NSD2: variants seen among roughly 807,000 people sequenced by gnomAD.
The protein encoded by NSD2 is histone-lysine N-methyltransferase NSD2.
Under a neutral mutation model 139.0 loss-of-function variants are expected in NSD2, and 12 were observed. That is an observed-to-expected ratio of 0.09 (90% confidence interval 0.06 to 0.14). The LOEUF (loss-of-function observed/expected upper bound fraction) is 0.14. Among genes scored for constraint, NSD2 ranks in the 10% least tolerant of loss-of-function variants. NSD2 has a pLI of 1.00. For synonymous variants in NSD2, 669 were observed against 648.7 expected, an observed-to-expected ratio of 1.03 and a Z score of -0.48; for missense variants, 1,155 against 1,745.0, an observed-to-expected ratio of 0.66 and a Z score of 6.02.
At chr4:1,933,459 G>A (rs1466889747) in intron 6 of NSD2, among the ~76,000 whole-genome samples, 2 of 152,122 alleles carry the variant, frequency 1.3e-5, no homozygotes, top group African/African-American at 2.4e-5. Flanking sequence ...GCGCGATCTC[G>A]GCTCACTGCA....
At chr4:1,909,059 G>A (rs1161973722) in intron 3 of NSD2, among the ~76,000 whole-genome samples, 1 of 151,486 alleles carries the variant, frequency 6.6e-6, no homozygotes. Context: ...ATGAAAATGA[G>A]CTCCTCCCTA....
chr4:1,911,587 C>CAAAAAAAAAAAA (rs372660600), intron 3 of NSD2, among the ~76,000 whole-genome samples: 854 of 38,080 alleles, frequency 0.022, no homozygotes, highest in Middle Eastern at 0.037. Flanking sequence ...GACGCCATCT[C>CAAAAAAAAAAAA]AAAAAAAAAA....
intron 9 of NSD2, chr4:1,947,819 T>G (rs1350989343): frequency 9.5e-7 from 1 of 1,048,990 alleles, no homozygotes; most frequent in African/African-American, 1.7e-5. Context: ...AACGATGTCG[T>G]ATTCAAGTTG....
chr4:1,918,345 G>C lies in NSD2; in HGVS notation c.1132G>C (p.Gly378Arg). Reference sequence around the variant, plus strand: ...TTTGGGAGAAATGGCAGAATCCTCAGGAGTCAGTGAAGAAGCTGCTGAAAA... The same window carrying C: ...TTTGGGAGAAATGGCAGAATCCTCACGAGTCAGTGAAGAAGCTGCTGAAAA... ...ESLGEMAESS[G>R]VSEEAAENPK... The change falls in exon 5 of 22, where the codon GGA becomes CGA. Residue 378 changes from glycine to arginine, a missense_variant. Gly to Arg is a moderately radical substitution (Grantham distance 125, BLOSUM62 -2). This residue lies in a region of NSD2 where 420 missense variants were observed against 469.0 expected (regional missense o/e 0.90). Transcript: ENST00000508803. 1 of 1,614,058 alleles carries C rather than the reference G, an allele frequency of 6.2e-7. No homozygotes were observed. Among genetic ancestry groups the C allele is most frequent in the Non-Finnish European group, 8.5e-7 (1 of 1,180,020 alleles).
intron 1 of NSD2, among the ~76,000 whole-genome samples, chr4:1,893,536 GTTTTTTGTTTTTTTTTT>G (rs764157520): frequency 0.047 from 6,914 of 146,336 alleles, 233 homozygotes; most frequent in Non-Finnish European, 0.072. Flanking sequence ...CTCTTTTTTT[GTTTTTTGTTTTTTTTTT>G]TTTTTTGTTT....
chr4:1,901,510 G>T, intron 2 of NSD2, among the ~76,000 whole-genome samples: 1 of 152,330 alleles, frequency 6.6e-6, no homozygotes, highest in Non-Finnish European at 1.5e-5. Flanking sequence ...AGATTCAAAT[G>T]GCTAAAAAGA....
At chr4:1,917,287 A>T (rs1483783590) in intron 4 of NSD2, among the ~76,000 whole-genome samples, 1 of 152,166 alleles carries the variant, frequency 6.6e-6, no homozygotes, top group Non-Finnish European at 1.5e-5. Context: ...ATATATACAC[A>T]TATATGTACG....
intron 1 of NSD2, among the ~76,000 whole-genome samples, chr4:1,878,105 G>A (rs1714396539): frequency 6.6e-6 from 1 of 150,460 alleles, no homozygotes; most frequent in African/African-American, 2.4e-5. Flanking sequence ...CTGTCACCCA[G>A]GCTGGAGTGC....
chr4:1,924,757 AAAC>A (rs1259311244), intron 5 of NSD2, among the ~76,000 whole-genome samples: 1 of 151,754 alleles, frequency 6.6e-6, no homozygotes. Context: ...ACAAAAAAAA[AAAC>A]AAAACAAAAC....
At chr4:1,914,511 A>G (rs1218247264) in intron 3 of NSD2, among the ~76,000 whole-genome samples, 2 of 151,922 alleles carry the variant, frequency 1.3e-5, no homozygotes, top group African/African-American at 4.8e-5. Flanking sequence ...GTTTTAGTAG[A>G]GACAGGGCTT....
intron 7 of NSD2, among the ~76,000 whole-genome samples, chr4:1,936,688 A>T (rs1004747527): frequency 2.0e-4 from 30 of 151,784 alleles, no homozygotes; most frequent in African/African-American, 6.8e-4. Context: ...AAAAAAAAAA[A>T]AGTTCTGACA....
At chr4:1,977,853 C>T (rs181277570) in intron 21 of NSD2, among the ~76,000 whole-genome samples, 184 of 150,204 alleles carry the variant, frequency 1.2e-3, no homozygotes, top group African/African-American at 4.1e-3. Flanking sequence ...AGGCCAGGCA[C>T]GGTGGCTCAT....
At position 1,956,267 on chromosome 4, in the gene NSD2, G is replaced by A. The variant is rs751969424; in HGVS notation, c.2881+79G>A. The A allele has an allele frequency of 9.0e-5, 117 of 1,304,388 alleles. No homozygotes were observed. Among genetic ancestry groups the A allele is most frequent in the Non-Finnish European group, 1.2e-4 (112 of 965,608 alleles). The allele number at this position is 1,304,388 out of a possible 1,614,324, so 80.8% of individuals were successfully genotyped here. On this transcript the variant is annotated intron_variant, in intron 15 of 21. Transcript: ENST00000508803. The surrounding 1 kb of genome is among the most constrained non-coding windows in gnomAD (Gnocchi z 5.3). ...CCCTAATTTCTATTTTTTAAAATTT[G>A]ATCTTTATAGAAAATACTGGACTAA...
At chr4:1,947,486 G>A (rs1232687561) in intron 9 of NSD2, 2 of 1,058,008 alleles carry the variant, frequency 1.9e-6, no homozygotes, top group Non-Finnish European at 2.3e-6. Context: ...GGATAGCCAG[G>A]AAGTTTCTAG....
intron 1 of NSD2, among the ~76,000 whole-genome samples, chr4:1,890,669 T>C (rs905551328): frequency 3.3e-5 from 5 of 151,820 alleles, no homozygotes; most frequent in African/African-American, 1.2e-4. Context: ...TGGCATGATC[T>C]CGGCTCACTG....
intron 1 of NSD2, among the ~76,000 whole-genome samples, chr4:1,882,447 A>C (rs558555945): frequency 6.6e-6 from 1 of 152,198 alleles, no homozygotes; most frequent in South Asian, 2.1e-4. Flanking sequence ...GGTGGACACG[A>C]GGTCAGAAGA....
chr4:1,940,494 C>T (rs1006191971), intron 9 of NSD2: 8 of 1,064,096 alleles, frequency 7.5e-6, no homozygotes, highest in Admixed American at 1.1e-4. Flanking sequence ...AGCCACAGAA[C>T]GTAGGTGTGA....
intron 12 of NSD2, among the ~76,000 whole-genome samples, chr4:1,954,160 T>A (rs1009912932): frequency 1.3e-5 from 2 of 152,092 alleles, no homozygotes; most frequent in Non-Finnish European, 2.9e-5. Flanking sequence ...AATTTTTGTA[T>A]TTTTAGTAGA....
At position 1,976,854 on chromosome 4, in the gene NSD2, C is replaced by T. The variant is rs1385201687; in HGVS notation, c.3826+175C>T. On this transcript the variant is annotated intron_variant, in intron 21 of 21. Coordinates refer to ENST00000508803, the MANE Select transcript of NSD2 (RefSeq NM_001042424.3). The surrounding 1 kb of genome is among the most constrained non-coding windows in gnomAD (Gnocchi z 5.3). ...GAGCCTTTCTTTGTTCCACCAGCCG[C>T]ACATTCTAGATCTCTGCATCGAGCA... 6.6e-6 allele frequency among the ~76,000 whole-genome samples: 1 copy of T among 152,224 alleles called. No homozygotes were observed. The highest frequency in any genetic ancestry group is 1.5e-5 in the Non-Finnish European group (1 of 68,036).
Sources: gnomAD v4.1 joint callset for allele counts (sites outside exome capture counted in the v4.1 genomes callset) on GRCh38, gnomAD v4.1.1 for gene constraint, gnomAD v4.1.1 regional missense constraint, Gnocchi (gnomAD v3.1) non-coding constraint, MANE v1.5 for transcripts, NCBI Gene and HGNC (gene_info 2026-07-23, HGNC 2026-07-21) for gene names.